RPA1: variants seen among roughly 807,000 people sequenced by gnomAD.
RPA1 encodes replication protein A1.
Under a neutral mutation model 83.0 loss-of-function variants are expected in RPA1, and 49 were observed. The observed-to-expected ratio is 0.59, with a 90% CI of 0.47 to 0.75. RPA1 has a LOEUF of 0.75. Among genes scored for constraint, RPA1 ranks in the 30% least tolerant of loss-of-function variants. The pLI is 0.00. For synonymous variants in RPA1, 279 were observed against 281.8 expected, an observed-to-expected ratio of 0.99 and a Z score of 0.10; for missense variants, 693 against 776.1, an observed-to-expected ratio of 0.89 and a Z score of 1.27.
At chr17:1,867,051 C>G (rs1413260224) in intron 5 of RPA1, among the ~76,000 whole-genome samples, 1 of 152,114 alleles carries the variant, frequency 6.6e-6, no homozygotes, top group Non-Finnish European at 1.5e-5. Context: ...AGAACTGGAA[C>G]CTACTAGATA....
At chr17:1,892,366 G>C (rs554120703) in intron 15 of RPA1, among the ~76,000 whole-genome samples, 1 of 152,246 alleles carries the variant, frequency 6.6e-6, no homozygotes, top group East Asian at 1.9e-4. Context: ...GGTATTGTTT[G>C]TATACAGTTT....
intron 12 of RPA1, among the ~76,000 whole-genome samples, chr17:1,881,190 G>A (rs540413473): frequency 6.6e-6 from 1 of 152,312 alleles, no homozygotes; most frequent in East Asian, 1.9e-4. Context: ...GATGAGGAGA[G>A]CCTGTTAAAA....
intron 5 of RPA1, among the ~76,000 whole-genome samples, chr17:1,854,973 A>G (rs1029440751): frequency 1.3e-5 from 2 of 152,200 alleles, no homozygotes; most frequent in Admixed American, 1.3e-4. Context: ...GACTTTCACC[A>G]TTAAATGTCA....
At chr17:1,850,905 TAAG>T (rs1238657589) in intron 4 of RPA1, among the ~76,000 whole-genome samples, 1 of 151,734 alleles carries the variant, frequency 6.6e-6, no homozygotes, top group Admixed American at 6.6e-5. Flanking sequence ...AAAAAAAAAA[TAAG>T]AATTATCTTA....
intron 5 of RPA1, among the ~76,000 whole-genome samples, chr17:1,867,018 T>C (rs1306697249): frequency 6.6e-6 from 1 of 152,246 alleles, no homozygotes; most frequent in African/African-American, 2.4e-5. Flanking sequence ...GATGTGGGGC[T>C]AGGCCATCAT....
At chr17:1,843,760 C>A (rs1422088611) in intron 2 of RPA1, among the ~76,000 whole-genome samples, 160 bp from the exon 3 acceptor site, 1 of 151,884 alleles carries the variant, frequency 6.6e-6, no homozygotes, top group Non-Finnish European at 1.5e-5. Flanking sequence ...GTGGGAAAAT[C>A]ATCAAATCCA....
chr17:1,860,762 C>G (rs980453530), intron 5 of RPA1, among the ~76,000 whole-genome samples: 1 of 152,158 alleles, frequency 6.6e-6, no homozygotes, highest in Non-Finnish European at 1.5e-5. Context: ...GCTTTTCATG[C>G]CTGGCCCTCG....
intron 16 of RPA1, among the ~76,000 whole-genome samples, chr17:1,895,867 G>A (rs1914400135): frequency 6.6e-6 from 1 of 151,872 alleles, no homozygotes; most frequent in Admixed American, 6.6e-5. Context: ...ATTTTTAGTA[G>A]AGACGGAGTT....
At chr17:1,859,396 A>G (rs180747322) in intron 5 of RPA1, among the ~76,000 whole-genome samples, 1 of 152,348 alleles carries the variant, frequency 6.6e-6, no homozygotes, top group Non-Finnish European at 1.5e-5. Context: ...TGAGAGGGAT[A>G]TTGAAATCTC....
chr17:1,885,540 C>G (rs967114446), intron 13 of RPA1, among the ~76,000 whole-genome samples: 1 of 152,044 alleles, frequency 6.6e-6, no homozygotes, highest in African/African-American at 2.4e-5. Context: ...GGCTTGATCA[C>G]AGCTCACTGC....
In RPA1 at chr17:1,899,057, C is replaced by G. The variant is rs1337750417; in HGVS notation, c.*1882C>G. 6.5e-6 allele frequency: 1 copy of G among 152,840 alleles called. No individual in the cohort carries two copies. Among genetic ancestry groups the G allele is most frequent in the Non-Finnish European group, 1.5e-5 (1 of 68,122 alleles). The allele number at this position is 152,840 out of a possible 1,614,324, so 9.5% of individuals were successfully genotyped here. A position where few individuals can be genotyped will look rare whatever the true frequency, so the allele number is the denominator to read the frequency against. On this transcript the variant is annotated 3_prime_UTR_variant, in exon 17 of 17. Coordinates refer to ENST00000254719, the MANE Select transcript of RPA1 (RefSeq NM_002945.5). ...ACAGGACGTGTCCAGGGAACGCTGACACCTGTCCTCGCGCCTTCTCAGTGG... is the reference window on the plus strand; with the variant it reads ...ACAGGACGTGTCCAGGGAACGCTGAGACCTGTCCTCGCGCCTTCTCAGTGG...
At chr17:1,853,591 G>A (rs968623975) in intron 5 of RPA1, among the ~76,000 whole-genome samples, 24 of 152,176 alleles carry the variant, frequency 1.6e-4, no homozygotes, top group African/African-American at 5.5e-4. Flanking sequence ...GCTGAGGCAG[G>A]GAAATCGCTT....
chr17:1,850,049 A>G (rs1403111566), intron 4 of RPA1, among the ~76,000 whole-genome samples: 1 of 151,494 alleles, frequency 6.6e-6, no homozygotes, highest in Non-Finnish European at 1.5e-5. Flanking sequence ...GCACATGCCT[A>G]TAGTCCCAGC....
chr17:1,830,946 A>G (rs1354488364), intron 1 of RPA1, among the ~76,000 whole-genome samples: 2 of 151,812 alleles, frequency 1.3e-5, no homozygotes, highest in Non-Finnish European at 2.9e-5. Context: ...TTGTGTTTTT[A>G]TTAGAGACTG....
chr17:1,857,208 T>A (rs546941803), intron 5 of RPA1, among the ~76,000 whole-genome samples: 20 of 152,088 alleles, frequency 1.3e-4, no homozygotes, highest in African/African-American at 4.6e-4. Flanking sequence ...CATTCTGTTA[T>A]TTAGAAATGT....
chr17:1,883,721 C>T (rs1164042375), intron 12 of RPA1, 91 bp from the exon 13 acceptor site: 1 of 1,566,882 alleles, frequency 6.4e-7, no homozygotes, highest in African/African-American at 1.3e-5. Context: ...GGTGGGAAAC[C>T]TGTGTCTGTC....
intron 14 of RPA1, among the ~76,000 whole-genome samples, chr17:1,890,064 A>G (rs1914147861): frequency 6.6e-6 from 1 of 152,082 alleles, no homozygotes; most frequent in Admixed American, 6.5e-5. Flanking sequence ...GTAATATATC[A>G]GAAGCCTGAA....
At chr17:1,866,361 G>A (rs899429704) in intron 5 of RPA1, among the ~76,000 whole-genome samples, 1 of 151,884 alleles carries the variant, frequency 6.6e-6, no homozygotes, top group Non-Finnish European at 1.5e-5. Flanking sequence ...GTCACCCAGG[G>A]TGGAGTGCAA....
intron 5 of RPA1, chr17:1,854,057 T>C (rs1912598854): frequency 6.6e-6 from 1 of 152,212 alleles, no homozygotes; most frequent in Admixed American, 6.5e-5. Context: ...GTGAAATTAC[T>C]AATGATTTAA....
Sources: allele counts gnomAD v4.1 joint callset (sites outside exome capture counted in the v4.1 genomes callset), GRCh38; gene constraint gnomAD v4.1.1; transcripts MANE v1.5; gene names NCBI Gene and HGNC (gene_info 2026-07-23, HGNC 2026-07-21).